CGGBP1: variants seen among roughly 807,000 people sequenced by gnomAD.
The protein encoded by CGGBP1 is CGG triplet repeat-binding protein 1.
CGGBP1 carries 4 observed loss-of-function variants against 11.4 expected under a neutral mutation model. The ratio of observed to expected loss-of-function variants is 0.35; its 90% CI spans 0.17 to 0.80. The LOEUF is 0.80. CGGBP1 is among the 30% of genes least tolerant of loss of function. The pLI is 0.52. For synonymous variants in CGGBP1, 76 were observed against 74.1 expected (o/e 1.03, Z -0.13); for missense variants, 135 against 202.1 (o/e 0.67, Z 2.01).
intron 2 of CGGBP1, among the ~76,000 whole-genome samples, chr3:88,103,521 A>G (rs1292946071): frequency 1.3e-5 from 2 of 152,198 alleles, no homozygotes; most frequent in African/African-American, 2.4e-5. Flanking sequence ...CTAGAATTTC[A>G]GAAGAAGATA....
At chr3:88,072,590 G>A (rs1350670109) in intron 2 of CGGBP1, among the ~76,000 whole-genome samples, 2 of 152,154 alleles carry the variant, frequency 1.3e-5, no homozygotes, top group East Asian at 3.9e-4. Context: ...ATCCTCCACA[G>A]ATAGACTCTT....
intron 2 of CGGBP1, among the ~76,000 whole-genome samples, chr3:88,097,802 A>T (rs1007118088): frequency 6.6e-6 from 1 of 152,218 alleles, no homozygotes; most frequent in Admixed American, 6.5e-5. Flanking sequence ...AAGACACAAC[A>T]TAACAGAATA....
At chr3:88,073,468 T>TA (rs1390683506) in intron 2 of CGGBP1, among the ~76,000 whole-genome samples, 2 of 152,144 alleles carry the variant, frequency 1.3e-5, no homozygotes, top group Middle Eastern at 3.4e-3. Flanking sequence ...AAAGTCTACA[T>TA]AAAAAAAGTA....
At chr3:88,073,403 A>C (rs1707625146) in intron 2 of CGGBP1, among the ~76,000 whole-genome samples, 1 of 152,248 alleles carries the variant, frequency 6.6e-6, no homozygotes. Context: ...AGGCAAAGTC[A>C]TGCCATTATT....
At chr3:88,059,754 G>A (rs1258259840), upstream of CGGBP1, among the ~76,000 whole-genome samples, 2 of 152,062 alleles carry the variant, frequency 1.3e-5, no homozygotes, top group Non-Finnish European at 2.9e-5. Flanking sequence ...CTGGAAAGAA[G>A]GAAGGTCGGC....
At chr3:88,125,676 A>AT (rs1173453286) in intron 2 of CGGBP1, among the ~76,000 whole-genome samples, 7 of 152,158 alleles carry the variant, frequency 4.6e-5, no homozygotes, top group Admixed American at 4.6e-4. Flanking sequence ...TCAGGACAGG[A>AT]GACTTTTGTC....
At chr3:88,097,362 G>GT (rs762086335) in intron 2 of CGGBP1, among the ~76,000 whole-genome samples, 2,999 of 143,398 alleles carry the variant, frequency 0.021, 20 homozygotes, top group African/African-American at 0.035. Flanking sequence ...TTTGTCAACA[G>GT]TTTTTTTTTT....
intron 1 of CGGBP1, among the ~76,000 whole-genome samples, chr3:88,058,458 GGGCGGGGGAGA>G (rs1706631868): frequency 6.6e-6 from 1 of 152,186 alleles, no homozygotes; most frequent in South Asian, 2.1e-4. Context: ...GTTCGGGCGG[GGGCGGGGGAGA>G]GGCGGGGCCC....
intron 2 of CGGBP1, among the ~76,000 whole-genome samples, chr3:88,103,494 A>G (rs1281743383): frequency 1.3e-5 from 2 of 152,204 alleles, no homozygotes; most frequent in South Asian, 2.1e-4. Context: ...AAAATCTAAA[A>G]CTGTATAACA....
In CGGBP1 at chr3:88,055,384, A is replaced by G. The variant is rs2107558173; in HGVS notation, c.*89T>C. 7.9e-7 allele frequency: 1 copy of G among 1,269,474 alleles called. No homozygotes were observed. The highest frequency in any genetic ancestry group is 2.4e-5 in the East Asian group (1 of 42,246). 78.6% of individuals were successfully genotyped at this position (1,269,474 alleles called of 1,614,324 possible). On this transcript the variant is annotated 3_prime_UTR_variant, in exon 4 of 4. Transcript: ENST00000482016. The surrounding 1 kb of genome is among the most constrained non-coding windows in gnomAD (Gnocchi z 4.2). ...ACTATTCTGCGTCACATGATTTTAA[A>G]TGAAATAAATACAAAAATGAACCAC...
chr3:88,129,958 A>T (rs1453987154), intron 2 of CGGBP1: 1 of 719,554 alleles, frequency 1.4e-6, no homozygotes, highest in East Asian at 2.9e-5. Flanking sequence ...TGTGCAAGGA[A>T]CAATAGTAGA....
intron 2 of CGGBP1, among the ~76,000 whole-genome samples, chr3:88,128,131 T>C (rs1287246352): frequency 6.6e-6 from 1 of 152,178 alleles, no homozygotes; most frequent in East Asian, 1.9e-4. Flanking sequence ...TCTATAAAGC[T>C]AGTATCATAA....
At chr3:88,059,523 C>T (rs2107570723), upstream of CGGBP1, 1 of 1,460,448 alleles carries the variant, frequency 6.8e-7, no homozygotes, top group Non-Finnish European at 9.0e-7. Flanking sequence ...GTCCGTTGGC[C>T]GCCCCGACTT....
chr3:88,071,951 A>C (rs991397526), intron 2 of CGGBP1, among the ~76,000 whole-genome samples: 1 of 152,202 alleles, frequency 6.6e-6, no homozygotes, highest in Non-Finnish European at 1.5e-5. Flanking sequence ...GTGCTCATAA[A>C]ATGCTGTATT....
At chr3:88,059,198 C>A (rs972692450), upstream of CGGBP1, 9 of 1,446,134 alleles carry the variant, frequency 6.2e-6, no homozygotes, top group African/African-American at 1.2e-4. Flanking sequence ...AGCCGAGAGG[C>A]CCCTGTCCGG....
chr3:88,113,805 AAAT>A (rs1208287185), intron 2 of CGGBP1, among the ~76,000 whole-genome samples: 1 of 83,614 alleles, frequency 1.2e-5, no homozygotes, highest in Non-Finnish European at 2.9e-5. Flanking sequence ...TTTAGAACTG[AAAT>A]ATACAGACAA....
chr3:88,137,659 A>G (rs1706879813), intron 2 of CGGBP1, among the ~76,000 whole-genome samples: 1 of 152,180 alleles, frequency 6.6e-6, no homozygotes, highest in African/African-American at 2.4e-5. Flanking sequence ...GACCAGGATA[A>G]GTGGGGAGAA....
intron 2 of CGGBP1, among the ~76,000 whole-genome samples, chr3:88,096,955 C>A (rs1704099503): frequency 6.6e-6 from 1 of 152,040 alleles, no homozygotes; most frequent in Non-Finnish European, 1.5e-5. Context: ...TGTTTTGTAT[C>A]TCTGTTTTTC....
chr3:88,101,630 T>G (rs1435836443), intron 2 of CGGBP1, among the ~76,000 whole-genome samples: 1 of 152,176 alleles, frequency 6.6e-6, no homozygotes, highest in East Asian at 1.9e-4. Flanking sequence ...TTTTGGGCTA[T>G]AAACATTTCT....
Sources: allele counts gnomAD v4.1 joint callset (sites outside exome capture counted in the v4.1 genomes callset), GRCh38; gene constraint gnomAD v4.1.1; non-coding constraint Gnocchi (gnomAD v3.1); transcripts MANE v1.5; gene names NCBI Gene and HGNC (gene_info 2026-07-23, HGNC 2026-07-21).